Variants in DPYD observed in about 807,000 individuals in gnomAD.
DPYD encodes dihydropyrimidine dehydrogenase.
Under a neutral mutation model 116.2 loss-of-function variants are expected in DPYD, and 109 were observed. The ratio of observed to expected loss-of-function variants is 0.94; its 90% CI spans 0.80 to 1.10. The LOEUF (loss-of-function observed/expected upper bound fraction) is 1.10, where lower values mean the gene tolerates loss of function less well. DPYD is among the 50% of genes least tolerant of loss of function. DPYD has a pLI of 0.00. For synonymous variants in DPYD, 440 were observed against 432.0 expected (o/e 1.02, Z -0.23); for missense variants, 1,302 against 1,254.5 (o/e 1.04, Z -0.57).
chr1:97,496,594 C>A (rs979012707), intron 13 of DPYD, among the ~76,000 whole-genome samples: 3 of 151,924 alleles, frequency 2.0e-5, no homozygotes, highest in African/African-American at 7.2e-5. Context: ...CCCATTTTTA[C>A]GGGGCTTTCT....
At chr1:97,174,349 C>T (rs1657099758) in intron 20 of DPYD, among the ~76,000 whole-genome samples, 1 of 152,148 alleles carries the variant, frequency 6.6e-6, no homozygotes, top group Admixed American at 6.5e-5. Flanking sequence ...GCAGCTTCTC[C>T]TTTGAGTTGT....
chr1:97,588,872 C>T (rs1438022584), intron 10 of DPYD, among the ~76,000 whole-genome samples: 2 of 152,280 alleles, frequency 1.3e-5, no homozygotes, highest in South Asian at 2.1e-4. Flanking sequence ...AGTATTAATG[C>T]TTTCTTAGCC....
At chr1:97,558,440 A>G (rs772542290) in intron 11 of DPYD, among the ~76,000 whole-genome samples, 1 of 150,640 alleles carries the variant, frequency 6.6e-6, no homozygotes, top group Non-Finnish European at 1.5e-5. Context: ...TATTTTCACA[A>G]TTAGTCAGTT....
intron 2 of DPYD, among the ~76,000 whole-genome samples, chr1:97,844,139 A>C (rs763352142): frequency 6.6e-6 from 1 of 152,226 alleles, no homozygotes; most frequent in Non-Finnish European, 1.5e-5. Context: ...AATAAGGTAC[A>C]TAATGGTAGA....
chr1:97,564,679 AG>A (rs1652392461), intron 11 of DPYD, among the ~76,000 whole-genome samples: 1 of 152,100 alleles, frequency 6.6e-6, no homozygotes. Context: ...TTTACCTCCC[AG>A]CTAGCTACCC....
rs924503980 is a variant in DPYD at position 97,721,033 on chromosome 1, A to G, written c.483+477T>C. The G allele has an allele frequency of 1.8e-5, 26 of 1,432,796 alleles. No individual in the cohort carries two copies. The Admixed American group carries it at 6.6e-4, about 36-fold the overall frequency. The allele number at this position is 1,432,796 out of a possible 1,614,324, so 88.8% of individuals were successfully genotyped here. A position where few individuals can be genotyped will look rare whatever the true frequency, so the allele number is the denominator to read the frequency against. On this transcript the variant is annotated intron_variant, in intron 5 of 22. Transcript: ENST00000370192. ...CTATAAGTTCACAAAATCTAATGAC[A>G]TTATTAATGTGGTTAAATAACATTA...
chr1:97,488,002 C>T (rs201602082), intron 13 of DPYD, among the ~76,000 whole-genome samples: 3 of 151,376 alleles, frequency 2.0e-5, no homozygotes, highest in East Asian at 3.9e-4. Flanking sequence ...TTTGTAGTAA[C>T]AAAAATCTGA....
At chr1:97,484,913 C>G (rs958751792) in intron 13 of DPYD, among the ~76,000 whole-genome samples, 1 of 152,164 alleles carries the variant, frequency 6.6e-6, no homozygotes, top group South Asian at 2.1e-4. Flanking sequence ...ATGAATTCAT[C>G]TCTTATGTTA....
At chr1:97,747,591 G>A (rs1376563334) in intron 3 of DPYD, among the ~76,000 whole-genome samples, 1 of 152,142 alleles carries the variant, frequency 6.6e-6, no homozygotes, top group Non-Finnish European at 1.5e-5. Context: ...ATGCTTTATA[G>A]AATGTCTATA....
intron 4 of DPYD, among the ~76,000 whole-genome samples, chr1:97,727,680 A>G (rs1156758375): frequency 1.3e-5 from 2 of 151,854 alleles, no homozygotes; most frequent in Admixed American, 1.3e-4. Flanking sequence ...CAATCTATCT[A>G]TTACAAATAA....
At chr1:97,413,481 G>C (rs1032626574) in intron 14 of DPYD, among the ~76,000 whole-genome samples, 5 of 152,038 alleles carry the variant, frequency 3.3e-5, no homozygotes, top group Admixed American at 3.3e-4. Flanking sequence ...TTGTTTGTTT[G>C]TGGACTGGTT....
intron 3 of DPYD, among the ~76,000 whole-genome samples, chr1:97,817,857 CTTAAAA>C (rs1447046354): frequency 2.6e-5 from 4 of 151,996 alleles, no homozygotes; most frequent in Admixed American, 1.3e-4. Flanking sequence ...ATTATGGATA[CTTAAAA>C]TTAAAGCTAA....
At chr1:97,515,238 A>T (rs1648130405) in intron 13 of DPYD, among the ~76,000 whole-genome samples, 1 of 151,950 alleles carries the variant, frequency 6.6e-6, no homozygotes, top group Non-Finnish European at 1.5e-5. Context: ...GTACAAAGTC[A>T]TAATGTTAAA....
chr1:97,087,853 C>T (rs184056413), intron 21 of DPYD, among the ~76,000 whole-genome samples: 33 of 152,172 alleles, frequency 2.2e-4, no homozygotes, highest in African/African-American at 7.2e-4. Context: ...AGGAGTCAAA[C>T]AGTTCTCTCT....
chr1:97,134,948 C>T (rs1228335899), intron 20 of DPYD, among the ~76,000 whole-genome samples: 1 of 151,026 alleles, frequency 6.6e-6, no homozygotes, highest in Non-Finnish European at 1.5e-5. Context: ...TGAACAGTAC[C>T]TAGTGGGTTA....
chr1:97,551,431 A>G (rs1651313162), intron 11 of DPYD, among the ~76,000 whole-genome samples: 1 of 152,114 alleles, frequency 6.6e-6, no homozygotes, highest in African/African-American at 2.4e-5. Flanking sequence ...ACACATCATC[A>G]TTGAATGATA....
At chr1:97,352,245 T>C (rs571804094) in intron 16 of DPYD, among the ~76,000 whole-genome samples, 11 of 151,968 alleles carry the variant, frequency 7.2e-5, no homozygotes, top group Non-Finnish European at 1.6e-4. Flanking sequence ...GAAAGAAAAA[T>C]TGGGAATGAT....
intron 11 of DPYD, among the ~76,000 whole-genome samples, chr1:97,564,761 C>A (rs993186241): frequency 6.6e-6 from 1 of 152,108 alleles, no homozygotes; most frequent in African/African-American, 2.4e-5. Flanking sequence ...ATCTTGATTC[C>A]AAATTTTCTC....
At chr1:97,225,793 C>A (rs1328678098) in intron 19 of DPYD, among the ~76,000 whole-genome samples, 1 of 151,916 alleles carries the variant, frequency 6.6e-6, no homozygotes, top group Admixed American at 6.6e-5. Flanking sequence ...ATAGCCAAGG[C>A]CAATGTCTAG....
Sources: allele counts gnomAD v4.1 joint callset (sites outside exome capture counted in the v4.1 genomes callset), GRCh38; gene constraint gnomAD v4.1.1; transcripts MANE v1.5; gene names NCBI Gene and HGNC (gene_info 2026-07-23, HGNC 2026-07-21).